The following TGFBR3 variants were observed in gnomAD, a reference collection of about 807,000 sequenced individuals.
The protein encoded by TGFBR3 is transforming growth factor beta receptor type 3.
In TGFBR3, 46 loss-of-function variants were observed where a neutral mutation model predicts 87.9. That is an observed-to-expected ratio of 0.52 (90% CI 0.41 to 0.67). The LOEUF is 0.67. Ranked by LOEUF, TGFBR3 falls within the 30% of genes least tolerant of loss-of-function variation. The pLI is 0.00. For synonymous variants in TGFBR3, 381 were observed against 391.6 expected, an observed-to-expected ratio of 0.97 and a Z score of 0.32; for missense variants, 866 against 1,041.9, an observed-to-expected ratio of 0.83 and a Z score of 2.32.
At chr1:91,803,211 G>T (rs1675705224) in intron 2 of TGFBR3, among the ~76,000 whole-genome samples, 3 of 152,188 alleles carry the variant, frequency 2.0e-5, no homozygotes, top group Admixed American at 2.0e-4. Flanking sequence ...CCGTGTTTTG[G>T]CCATTCTGGT....
chr1:91,716,230 T>A lies in TGFBR3; in HGVS notation c.1866+6A>T, dbSNP rs116282609. ...TAAAAGGTCAAGGCTAACTTTCAGGTCTCACCTCAACATAAACGTGTCCAT... is the reference window on the plus strand; with the variant it reads ...TAAAAGGTCAAGGCTAACTTTCAGGACTCACCTCAACATAAACGTGTCCAT... On this transcript the variant is annotated splice_donor_region_variant and intron_variant, in intron 12 of 16. Transcript: ENST00000212355. 3.4e-4 allele frequency: 552 copies of A among 1,614,062 alleles called. 3 individuals are homozygous for A. The African/African-American group carries it at 6.5e-3, about 19-fold the overall frequency.
At chr1:91,851,595 A>G (rs1677739316) in intron 2 of TGFBR3, among the ~76,000 whole-genome samples, 1 of 152,240 alleles carries the variant, frequency 6.6e-6, no homozygotes, top group South Asian at 2.1e-4. Flanking sequence ...TAATTACCAA[A>G]GCAAACAAGC....
At chr1:91,822,456 G>A (rs571467202) in intron 2 of TGFBR3, among the ~76,000 whole-genome samples, 29 of 151,804 alleles carry the variant, frequency 1.9e-4, no homozygotes, top group Non-Finnish European at 4.0e-4. Context: ...AATCTATTTT[G>A]GGGGCTCAGT....
At chr1:91,822,959 T>C (rs1392928543) in intron 2 of TGFBR3, among the ~76,000 whole-genome samples, 1 of 152,110 alleles carries the variant, frequency 6.6e-6, no homozygotes, top group Non-Finnish European at 1.5e-5. Context: ...AGATGAATAA[T>C]GTCCTATTTA....
At chr1:91,719,621 C>G (rs1195459110) in intron 9 of TGFBR3, among the ~76,000 whole-genome samples, 157 bp from the exon 10 acceptor site, 2 of 152,124 alleles carry the variant, frequency 1.3e-5, no homozygotes, top group African/African-American at 2.4e-5. Context: ...GCCCACCTCT[C>G]AACAGCTCAA....
intron 2 of TGFBR3, among the ~76,000 whole-genome samples, chr1:91,859,908 C>CAAGAAAAAAA (rs1678111765): frequency 1.2e-5 from 1 of 85,590 alleles, no homozygotes; most frequent in African/African-American, 4.4e-5. Context: ...GACTCCATCT[C>CAAGAAAAAAA]AAAAAAAAAA....
At position 91,800,228 on chromosome 1, in the gene TGFBR3, C is replaced by CAA. The variant is rs148518308; in HGVS notation, c.62-2759_62-2758dup. Reference sequence around the variant, plus strand: ...GCAATATGATGAAACCCCATCTCTACAAAAAAAAAAAAAATATATATATAT... The same window carrying CAA: ...GCAATATGATGAAACCCCATCTCTACAAAAAAAAAAAAAAAATATATATATAT... On this transcript the variant is annotated intron_variant, in intron 2 of 16. Transcript: ENST00000212355. Among the ~76,000 whole-genome samples, 415 of 114,254 alleles carry CAA rather than the reference C, an allele frequency of 3.6e-3. 6 individuals carry two copies. Among genetic ancestry groups the CAA allele is most frequent in the African/African-American group, 0.014 (387 of 27,132 alleles). 75.0% of individuals were successfully genotyped at this position (114,254 alleles called of 152,430 possible).
chr1:91,826,889 C>A (rs1676659811), intron 2 of TGFBR3, among the ~76,000 whole-genome samples: 1 of 152,080 alleles, frequency 6.6e-6, no homozygotes, highest in African/African-American at 2.4e-5. Context: ...CACTGCAAGT[C>A]ACATATTTTG....
At chr1:91,835,989 C>T (rs112472046) in intron 2 of TGFBR3, among the ~76,000 whole-genome samples, 2,108 of 151,820 alleles carry the variant, frequency 0.014, 35 homozygotes, top group African/African-American at 0.043. Flanking sequence ...GGTTCATGCC[C>T]GTAATCCCAG....
chr1:91,725,856 A>G (rs1376976271), intron 7 of TGFBR3, among the ~76,000 whole-genome samples: 1 of 152,246 alleles, frequency 6.6e-6, no homozygotes, highest in Non-Finnish European at 1.5e-5. Flanking sequence ...CAAGGTTTCT[A>G]TAAACCATTG....
chr1:91,777,671 C>T (rs1674613951), intron 3 of TGFBR3, among the ~76,000 whole-genome samples: 1 of 151,720 alleles, frequency 6.6e-6, no homozygotes, highest in African/African-American at 2.4e-5. Context: ...TTTATCTCAG[C>T]CCAGCTGTAG....
chr1:91,812,903 C>T (rs547375310), intron 2 of TGFBR3, among the ~76,000 whole-genome samples: 2 of 152,242 alleles, frequency 1.3e-5, no homozygotes, highest in East Asian at 1.9e-4. Context: ...TGTGAGCTAC[C>T]GTGCCTGGCT....
intron 2 of TGFBR3, among the ~76,000 whole-genome samples, chr1:91,855,914 T>A (rs1193301990): frequency 6.6e-6 from 1 of 152,140 alleles, no homozygotes; most frequent in African/African-American, 2.4e-5. Context: ...TCTCTCTTTT[T>A]TTTTTAACCC....
At chr1:91,799,016 G>A (rs1325264899) in intron 2 of TGFBR3, among the ~76,000 whole-genome samples, 3 of 152,146 alleles carry the variant, frequency 2.0e-5, no homozygotes, top group Non-Finnish European at 4.4e-5. Flanking sequence ...AATCACCCAG[G>A]AAACTGGGCT....
intron 1 of TGFBR3, among the ~76,000 whole-genome samples, chr1:91,900,752 A>T (rs1679696892): frequency 6.6e-6 from 1 of 152,268 alleles, no homozygotes; most frequent in Admixed American, 6.5e-5. Flanking sequence ...GGATGACAGC[A>T]AAGCTGAATC....
At chr1:91,903,563 T>C (rs1413022530) in intron 1 of TGFBR3, among the ~76,000 whole-genome samples, 3 of 151,602 alleles carry the variant, frequency 2.0e-5, no homozygotes, top group East Asian at 3.9e-4. Flanking sequence ...GGCAACATAC[T>C]GAGACCCCTA....
intron 1 of TGFBR3, among the ~76,000 whole-genome samples, chr1:91,864,808 T>G (rs1678325894): frequency 6.6e-6 from 1 of 152,212 alleles, no homozygotes; most frequent in African/African-American, 2.4e-5. Context: ...CTTTCTTCTG[T>G]GAGGTTCTAC....
At chr1:91,692,020 G>GA in intron 16 of TGFBR3, among the ~76,000 whole-genome samples, 1 of 152,000 alleles carries the variant, frequency 6.6e-6, no homozygotes, top group East Asian at 1.9e-4. Context: ...AGAAAAAAAA[G>GA]AAAAGAAAAT....
At chr1:91,714,794 A>G (rs1672102913) in intron 12 of TGFBR3, among the ~76,000 whole-genome samples, 1 of 152,226 alleles carries the variant, frequency 6.6e-6, no homozygotes, top group African/African-American at 2.4e-5. Context: ...AAAGCAAGAG[A>G]AAAACAGCCA....
Sources: gnomAD v4.1 joint callset for allele counts (sites outside exome capture counted in the v4.1 genomes callset) on GRCh38, gnomAD v4.1.1 for gene constraint, MANE v1.5 for transcripts, NCBI Gene and HGNC (gene_info 2026-07-23, HGNC 2026-07-21) for gene names.